Variants in DYNLRB1 observed in about 807,000 individuals in gnomAD.
DYNLRB1 encodes dynein light chain roadblock-type 1, also known as ROBL/LC7-like 1.
DYNLRB1 carries 6 observed loss-of-function variants against 13.5 expected under a neutral mutation model. That is an observed-to-expected ratio of 0.44 (90% CI 0.24 to 0.88). The LOEUF (loss-of-function observed/expected upper bound fraction) is 0.88. Ranked by LOEUF, DYNLRB1 falls within the 40% of genes least tolerant of loss-of-function variation. The probability of loss-of-function intolerance (pLI) is 0.21; values close to 1 mark genes in which losing one functional copy is unlikely to be tolerated. For missense variants in DYNLRB1, 93 were observed against 127.2 expected, an observed-to-expected ratio of 0.73 and a Z score of 1.29; for synonymous variants, 43 against 45.0, an observed-to-expected ratio of 0.96 and a Z score of 0.18.
chr20:34,517,348 A>G (rs1979323677), intron 1 of DYNLRB1, among the ~76,000 whole-genome samples: 1 of 152,172 alleles, frequency 6.6e-6, no homozygotes, highest in African/African-American at 2.4e-5. Flanking sequence ...TGGTTTATAC[A>G]GTTTAGCCCC....
intron 1 of DYNLRB1, among the ~76,000 whole-genome samples, chr20:34,520,865 A>T (rs1234708229): frequency 6.6e-6 from 1 of 152,214 alleles, no homozygotes; most frequent in Non-Finnish European, 1.5e-5. Context: ...TTCTTAGGAA[A>T]ATAATTTCTG....
At chr20:34,524,594 C>G (rs1471093371) in intron 1 of DYNLRB1, among the ~76,000 whole-genome samples, 2 of 152,162 alleles carry the variant, frequency 1.3e-5, no homozygotes, top group Non-Finnish European at 2.9e-5. Context: ...ACAGTAGGAG[C>G]TCAGTGAGTG....
intron 1 of DYNLRB1, among the ~76,000 whole-genome samples, chr20:34,518,084 T>C (rs1979403653): frequency 6.6e-6 from 1 of 151,908 alleles, no homozygotes; most frequent in Non-Finnish European, 1.5e-5. Flanking sequence ...AGTAGTGGTA[T>C]TGCTGATTTA....
intron 2 of DYNLRB1, among the ~76,000 whole-genome samples, chr20:34,527,686 C>A (rs1039094737): frequency 1.3e-5 from 2 of 152,194 alleles, no homozygotes; most frequent in Non-Finnish European, 2.9e-5. Flanking sequence ...TTACGAAGCA[C>A]CCCAGGAGAT....
At chr20:34,538,323 G>A (rs1432018422) in intron 3 of DYNLRB1, among the ~76,000 whole-genome samples, 1 of 151,710 alleles carries the variant, frequency 6.6e-6, no homozygotes, top group Non-Finnish European at 1.5e-5. Flanking sequence ...AGTATTCCCA[G>A]CTACTCGGGA....
chr20:34,539,695 T>G (rs2146657987), intron 3 of DYNLRB1, among the ~76,000 whole-genome samples: 1 of 152,174 alleles, frequency 6.6e-6, no homozygotes, highest in South Asian at 2.1e-4. Flanking sequence ...TTAGTAGAGA[T>G]GGGGTTTCAC....
At chr20:34,524,146 T>C (rs960637211) in intron 1 of DYNLRB1, among the ~76,000 whole-genome samples, 1 of 152,166 alleles carries the variant, frequency 6.6e-6, no homozygotes, top group Non-Finnish European at 1.5e-5. Flanking sequence ...TACAGTAGAA[T>C]GAAAAAGGGT....
chr20:34,526,457 CT>C (rs1248332495), intron 2 of DYNLRB1, 114 bp downstream of exon 2: 1 of 734,060 alleles, frequency 1.4e-6, no homozygotes, highest in South Asian at 2.8e-5. Context: ...AATTTTAGGC[CT>C]TTTTAATTTT....
chr20:34,517,026 C>A, intron 1 of DYNLRB1: 1 of 1,186,950 alleles, frequency 8.4e-7, no homozygotes, highest in Non-Finnish European at 1.1e-6. Flanking sequence ...TCTTTCTAGC[C>A]GCTGGGACTG....
rs542308006 is a variant in DYNLRB1, at chr20:34,533,546, C to T, written c.80-1082C>T. 6 of 985,210 alleles carry T rather than the reference C, an allele frequency of 6.1e-6. No individual in the cohort carries two copies. The South Asian group carries it at 2.3e-4, about 39-fold the overall frequency. 61.0% of individuals were successfully genotyped at this position (985,210 alleles called of 1,614,324 possible). On this transcript the variant is annotated intron_variant, in intron 2 of 3. Coordinates refer to ENST00000357156, the MANE Select transcript of DYNLRB1 (RefSeq NM_014183.4). ...TAGTGTGTAGAAGTTTGTGGCCGGG[C>T]GCGGTGGCTCACGCCTGTAATCCCA...
intron 2 of DYNLRB1, chr20:34,530,043 A>G: frequency 8.0e-7 from 1 of 1,252,468 alleles, no homozygotes; most frequent in Non-Finnish European, 1.0e-6. Context: ...TTTGTCACTA[A>G]GAGAGAAACT....
intron 3 of DYNLRB1, chr20:34,535,061 A>G: frequency 1.5e-6 from 2 of 1,304,442 alleles, no homozygotes; most frequent in Non-Finnish European, 2.0e-6. Flanking sequence ...CTTCCTTGAT[A>G]GGAGAAAACT....
chr20:34,540,602 T>G lies in DYNLRB1; in HGVS notation c.269T>G (p.Val90Gly). Residue 90 changes from valine to glycine, a missense_variant, in exon 4 of 4, where the codon GTG (valine) becomes GGG (glycine). Val to Gly is a moderately radical substitution (Grantham distance 109). Transcript: ENST00000357156. The stretch of plus-strand genomic sequence containing the variant: ...GCAGATAAAGACTATTTCCTGATTG[T>G]GATTCAGAATCCAACCGAATAAGCC... ...VAPDKDYFLI[V>G]IQNPTE 1.9e-6 allele frequency: 3 copies of G among 1,614,088 alleles called. No homozygotes were observed. Among genetic ancestry groups the G allele is most frequent in the Non-Finnish European group, 2.5e-6 (3 of 1,179,990 alleles).
At chr20:34,531,720 GA>G (rs528123801) in intron 2 of DYNLRB1, among the ~76,000 whole-genome samples, 95 of 152,326 alleles carry the variant, frequency 6.2e-4, no homozygotes, top group African/African-American at 2.2e-3. Flanking sequence ...AGCCCTTGGG[GA>G]GCTTACATTG....
intron 1 of DYNLRB1, among the ~76,000 whole-genome samples, chr20:34,521,212 A>G (rs546918063): frequency 1.1e-4 from 16 of 152,188 alleles, no homozygotes; most frequent in African/African-American, 3.9e-4. Context: ...GGGTTTCCCC[A>G]TGTTGGCCAG....
chr20:34,524,049 G>A (rs745696897), intron 1 of DYNLRB1, among the ~76,000 whole-genome samples: 3 of 152,098 alleles, frequency 2.0e-5, no homozygotes, highest in Non-Finnish European at 4.4e-5. Flanking sequence ...TGACAACATT[G>A]AGTGTATCAG....
At chr20:34,516,412 AG>A (rs763096621), upstream of DYNLRB1, 2 of 1,609,412 alleles carry the variant, frequency 1.2e-6, no homozygotes, top group East Asian at 4.5e-5. Context: ...AGAAAGGCAC[AG>A]GACTCGCTAA....
intron 1 of DYNLRB1, among the ~76,000 whole-genome samples, chr20:34,517,388 T>A (rs1979326670): frequency 6.6e-6 from 1 of 152,166 alleles, no homozygotes; most frequent in Non-Finnish European, 1.5e-5. Context: ...GGTTCTGTGT[T>A]TTTCATTATT....
intron 3 of DYNLRB1, chr20:34,536,422 T>C (rs1206467666): frequency 2.0e-6 from 2 of 985,160 alleles, no homozygotes; most frequent in African/African-American, 3.5e-5. Flanking sequence ...TCATGTTGTG[T>C]GACTGCAGAG....
Sources: allele counts gnomAD v4.1 joint callset (sites outside exome capture counted in the v4.1 genomes callset), GRCh38; gene constraint gnomAD v4.1.1; transcripts MANE v1.5; gene names NCBI Gene and HGNC (gene_info 2026-07-23, HGNC 2026-07-21).